Variants in PCDH9 observed in about 807,000 individuals in gnomAD.
The protein encoded by PCDH9 is protocadherin 9.
In PCDH9, 24 loss-of-function variants were observed where a neutral mutation model predicts 70.6. The observed-to-expected ratio is 0.34, with a 90% CI of 0.25 to 0.48. The LOEUF (loss-of-function observed/expected upper bound fraction) is 0.48, where lower values mean the gene tolerates loss of function less well. PCDH9 is among the 20% of genes least tolerant of loss of function. PCDH9 has a pLI of 0.99. For synonymous variants in PCDH9, 562 were observed against 558.5 expected (o/e 1.01, Z -0.09); for missense variants, 1,281 against 1,503.6 (o/e 0.85, Z 2.45).
intron 4 of PCDH9, among the ~76,000 whole-genome samples, chr13:66,580,052 A>G (rs917008185): frequency 1.3e-5 from 2 of 152,040 alleles, no homozygotes; most frequent in Non-Finnish European, 2.9e-5. Flanking sequence ...GAGCAATAGG[A>G]TATATACATC....
At chr13:66,671,100 T>G (rs548009886) in intron 3 of PCDH9, among the ~76,000 whole-genome samples, 2 of 152,140 alleles carry the variant, frequency 1.3e-5, no homozygotes, top group South Asian at 4.2e-4. Flanking sequence ...ATTTGATGGT[T>G]TTATAAAGGG....
At chr13:67,051,560 T>C (rs1178682084) in intron 2 of PCDH9, among the ~76,000 whole-genome samples, 1 of 151,544 alleles carries the variant, frequency 6.6e-6, no homozygotes, top group African/African-American at 2.4e-5. Context: ...GCCCAGCTAA[T>C]TTTTTGTATT....
intron 4 of PCDH9, among the ~76,000 whole-genome samples, chr13:66,508,142 C>T (rs1959275803): frequency 6.6e-6 from 1 of 152,178 alleles, no homozygotes; most frequent in Admixed American, 6.5e-5. Flanking sequence ...GTTCCTGAAA[C>T]ATGGTATGCC....
chr13:66,559,762 T>G (rs1961913193), intron 4 of PCDH9, among the ~76,000 whole-genome samples: 1 of 129,088 alleles, frequency 7.7e-6, no homozygotes, highest in South Asian at 2.5e-4. Flanking sequence ...ATCGTGCCAC[T>G]GCACTCCAGC....
At chr13:66,964,992 G>A (rs2083408469) in intron 2 of PCDH9, among the ~76,000 whole-genome samples, 1 of 151,574 alleles carries the variant, frequency 6.6e-6, no homozygotes, top group Non-Finnish European at 1.5e-5. Context: ...GCAAGTTTTT[G>A]CACATTTTGG....
At chr13:67,104,486 C>T (rs945869783) in intron 2 of PCDH9, among the ~76,000 whole-genome samples, 1 of 152,138 alleles carries the variant, frequency 6.6e-6, no homozygotes, top group African/African-American at 2.4e-5. Flanking sequence ...TCAAACTTGC[C>T]TGATGCAACC....
At chr13:66,427,427 C>T (rs1453878391) in intron 4 of PCDH9, among the ~76,000 whole-genome samples, 1 of 151,664 alleles carries the variant, frequency 6.6e-6, no homozygotes, top group South Asian at 2.1e-4. Flanking sequence ...CCATTCAAAT[C>T]CATTTAACCA....
intron 4 of PCDH9, among the ~76,000 whole-genome samples, chr13:66,612,311 C>A (rs1189866682): frequency 1.3e-5 from 2 of 152,160 alleles, no homozygotes; most frequent in African/African-American, 2.4e-5. Context: ...GAAAGACCAA[C>A]TATTTGCAAT....
chr13:66,622,041 A>T (rs2077428615), intron 4 of PCDH9, among the ~76,000 whole-genome samples: 1 of 152,192 alleles, frequency 6.6e-6, no homozygotes, highest in Non-Finnish European at 1.5e-5. Flanking sequence ...CCGCACTCGG[A>T]GCAGCCGGCC....
intron 4 of PCDH9, among the ~76,000 whole-genome samples, chr13:66,401,569 T>C (rs1317514898): frequency 6.6e-6 from 1 of 152,140 alleles, no homozygotes; most frequent in African/African-American, 2.4e-5. Flanking sequence ...GGGGGAGAAA[T>C]GCATTCTAAT....
chr13:66,919,641 G>A (rs2082608490), intron 2 of PCDH9, among the ~76,000 whole-genome samples: 1 of 151,112 alleles, frequency 6.6e-6, no homozygotes, highest in South Asian at 2.1e-4. Flanking sequence ...CAGAGAGTTT[G>A]CACGGAGGCA....
chr13:66,476,714 A>T (rs1213564062), intron 4 of PCDH9, among the ~76,000 whole-genome samples: 1 of 151,970 alleles, frequency 6.6e-6, no homozygotes, highest in African/African-American at 2.4e-5. Context: ...TTCACCTAAG[A>T]AGGCAAATAT....
At chr13:66,779,864 T>TATATATATATATATAC (rs1437758789) in intron 3 of PCDH9, among the ~76,000 whole-genome samples, 33 of 70,836 alleles carry the variant, frequency 4.7e-4, no homozygotes, top group African/African-American at 1.4e-3. Flanking sequence ...TATATATATA[T>TATATATATATATATAC]ATACATATAT....
chr13:67,032,759 G>T (rs1022074522), intron 2 of PCDH9, among the ~76,000 whole-genome samples: 6 of 152,134 alleles, frequency 3.9e-5, no homozygotes, highest in African/African-American at 1.4e-4. Flanking sequence ...GAAGAAGATA[G>T]TTCCTAATAT....
chr13:67,106,605 G>A (rs1006814381), intron 2 of PCDH9, among the ~76,000 whole-genome samples: 2 of 152,208 alleles, frequency 1.3e-5, no homozygotes, highest in African/African-American at 4.8e-5. Context: ...CGGAGGAGGT[G>A]AGGCCAGGGC....
rs1458648761 is a variant in PCDH9, at chr13:66,416,164, G to A, written c.3341-111136C>T. Among the ~76,000 whole-genome samples, 3 of 151,772 alleles carry A rather than the reference G, an allele frequency of 2.0e-5. No individual in the cohort carries two copies. In the East Asian group the frequency reaches 5.8e-4, roughly 29 times the overall value. Reference sequence around the variant, plus strand: ...GAATATGTTTTGTTTGTTTTTTTCTGGGCATTCTGAATAAAGCATGACCTG... The same window carrying A: ...GAATATGTTTTGTTTGTTTTTTTCTAGGCATTCTGAATAAAGCATGACCTG... On this transcript the variant is annotated intron_variant, in intron 4 of 4. Coordinates refer to ENST00000377865, the MANE Select transcript of PCDH9 (RefSeq NM_203487.3).
chr13:67,056,815 C>A (rs2085429366), intron 2 of PCDH9, among the ~76,000 whole-genome samples: 1 of 152,026 alleles, frequency 6.6e-6, no homozygotes, highest in South Asian at 2.1e-4. Flanking sequence ...TGATCATCAT[C>A]CTGATCATCA....
chr13:67,026,887 ACC>A (rs2084793287), intron 2 of PCDH9, among the ~76,000 whole-genome samples: 1 of 152,196 alleles, frequency 6.6e-6, no homozygotes, highest in African/African-American at 2.4e-5. Context: ...AAGGAGAACT[ACC>A]AACCACTGAT....
chr13:66,406,961 T>C (rs1436619683), intron 4 of PCDH9, among the ~76,000 whole-genome samples: 1 of 152,180 alleles, frequency 6.6e-6, no homozygotes, highest in Non-Finnish European at 1.5e-5. Context: ...CAAAACCATA[T>C]ACAGTGGTTT....
Sources: allele counts gnomAD v4.1 joint callset (sites outside exome capture counted in the v4.1 genomes callset), GRCh38; gene constraint gnomAD v4.1.1; transcripts MANE v1.5; gene names NCBI Gene and HGNC (gene_info 2026-07-23, HGNC 2026-07-21).